The following CDH18 variants were observed in gnomAD, a reference collection of about 807,000 sequenced individuals.
CDH18 encodes the protein cadherin-18.
Under a neutral mutation model 67.9 loss-of-function variants are expected in CDH18, and 31 were observed. The ratio of observed to expected loss-of-function variants is 0.46; its 90% CI spans 0.34 to 0.62. The LOEUF (loss-of-function observed/expected upper bound fraction) is 0.62, where lower values mean the gene tolerates loss of function less well. Among genes scored for constraint, CDH18 ranks in the 20% least tolerant of loss-of-function variants. The probability of loss-of-function intolerance (pLI) is 0.01; values close to 1 mark genes in which losing one functional copy is unlikely to be tolerated. For synonymous variants in CDH18, 362 were observed against 347.2 expected (o/e 1.04, Z -0.48); for missense variants, 890 against 975.5 (o/e 0.91, Z 1.17).
At chr5:20,189,710 A>G (rs576053755) in intron 2 of CDH18, among the ~76,000 whole-genome samples, 1 of 152,130 alleles carries the variant, frequency 6.6e-6, no homozygotes, top group Non-Finnish European at 1.5e-5. Context: ...TCCTAAGTCC[A>G]ATTTATACTA....
chr5:19,677,892 G>T (rs898444490), intron 5 of CDH18, among the ~76,000 whole-genome samples: 2 of 151,776 alleles, frequency 1.3e-5, no homozygotes, highest in African/African-American at 4.8e-5. Flanking sequence ...CATGGTAAAG[G>T]GTTCAATTTG....
At chr5:19,966,318 T>C (rs1214592752) in intron 2 of CDH18, among the ~76,000 whole-genome samples, 1 of 152,134 alleles carries the variant, frequency 6.6e-6, no homozygotes, top group Non-Finnish European at 1.5e-5. Flanking sequence ...TGTCACAATT[T>C]CATGGATATT....
rs982727625 is a variant in CDH18, at chr5:20,355,887, T to A, written c.-579-100382A>T. On this transcript the variant is annotated intron_variant, in intron 1 of 14. Transcript: ENST00000507958. ...AGAGTCACATATTATTGTCAATTATTCACAGACCAAATTAACTTAGGTAAT... is the reference window on the plus strand; with the variant it reads ...AGAGTCACATATTATTGTCAATTATACACAGACCAAATTAACTTAGGTAAT... Among the ~76,000 whole-genome samples the A allele has an allele frequency of 4.6e-5, 7 of 152,314 alleles. No individual in the cohort carries two copies. In the East Asian group the frequency reaches 1.2e-3, roughly 25 times the overall value.
chr5:19,994,056 T>C (rs558133264), intron 2 of CDH18, among the ~76,000 whole-genome samples: 2 of 152,226 alleles, frequency 1.3e-5, no homozygotes, highest in Non-Finnish European at 2.9e-5. Context: ...GAGGAGGTAT[T>C]CTTTGAGCTG....
chr5:20,247,257 A>G (rs1174522441), intron 2 of CDH18, among the ~76,000 whole-genome samples: 1 of 152,190 alleles, frequency 6.6e-6, no homozygotes, highest in East Asian at 1.9e-4. Flanking sequence ...GCCCTTCATT[A>G]CTTTCCCTCC....
intron 2 of CDH18, among the ~76,000 whole-genome samples, chr5:19,977,581 C>A (rs1440608085): frequency 6.6e-6 from 1 of 152,072 alleles, no homozygotes; most frequent in Non-Finnish European, 1.5e-5. Context: ...GAATCCTATG[C>A]TAAAGAGGGC....
At chr5:20,567,211 A>G (rs1758560863) in intron 1 of CDH18, among the ~76,000 whole-genome samples, 1 of 152,210 alleles carries the variant, frequency 6.6e-6, no homozygotes, top group South Asian at 2.1e-4. Flanking sequence ...GGAAGCAGCC[A>G]CCATCCCTAG....
At chr5:20,438,276 G>C (rs185540760) in intron 1 of CDH18, among the ~76,000 whole-genome samples, 46 of 150,382 alleles carry the variant, frequency 3.1e-4, no homozygotes, top group African/African-American at 1.0e-3. Flanking sequence ...ATTCCTATTT[G>C]TGTGTGTGTT....
chr5:19,487,083 G>C (rs1475603241), intron 11 of CDH18, among the ~76,000 whole-genome samples: 2 of 152,094 alleles, frequency 1.3e-5, no homozygotes, highest in Non-Finnish European at 2.9e-5. Context: ...TGTATAGCCA[G>C]AACAAAGAAA....
chr5:20,086,965 A>T (rs1745009299), intron 2 of CDH18, among the ~76,000 whole-genome samples: 1 of 152,188 alleles, frequency 6.6e-6, no homozygotes, highest in Admixed American at 6.5e-5. Flanking sequence ...TGCCATAAAT[A>T]CTGATTTGTC....
chr5:20,428,088 C>G (rs2150170649), intron 1 of CDH18, among the ~76,000 whole-genome samples: 1 of 150,948 alleles, frequency 6.6e-6, no homozygotes, highest in East Asian at 1.9e-4. Flanking sequence ...AATGCTCTCC[C>G]TCTCCTTTTC....
At chr5:19,854,476 T>G (rs933487277) in intron 2 of CDH18, among the ~76,000 whole-genome samples, 17 of 152,276 alleles carry the variant, frequency 1.1e-4, no homozygotes, top group African/African-American at 4.1e-4. Context: ...GGTCAGCATG[T>G]TCTTTTCATG....
intron 2 of CDH18, among the ~76,000 whole-genome samples, chr5:19,945,040 A>G (rs1160468695): frequency 6.6e-6 from 1 of 152,018 alleles, no homozygotes; most frequent in East Asian, 1.9e-4. Flanking sequence ...GGATCCCCCA[A>G]TCTCTGCTCC....
intron 1 of CDH18, among the ~76,000 whole-genome samples, chr5:20,567,027 T>A (rs2126662250): frequency 6.6e-6 from 1 of 152,328 alleles, no homozygotes; most frequent in African/African-American, 2.4e-5. Flanking sequence ...GGTAGCTCAC[T>A]CATTTTCTGT....
At chr5:19,711,099 T>C (rs1764643869) in intron 5 of CDH18, among the ~76,000 whole-genome samples, 1 of 151,938 alleles carries the variant, frequency 6.6e-6, no homozygotes, top group African/African-American at 2.4e-5. Flanking sequence ...ATAAAAATTA[T>C]CTAAAGGTGG....
At chr5:20,384,106 T>A in intron 1 of CDH18, among the ~76,000 whole-genome samples, 1 of 152,168 alleles carries the variant, frequency 6.6e-6, no homozygotes, top group South Asian at 2.1e-4. Context: ...AAAAGCTTAC[T>A]TTGGCAAAAA....
At chr5:20,562,063 T>C (rs1581203948) in intron 1 of CDH18, among the ~76,000 whole-genome samples, 1 of 151,902 alleles carries the variant, frequency 6.6e-6, no homozygotes, top group Non-Finnish European at 1.5e-5. Flanking sequence ...AATAAAAATT[T>C]AGAGAAGTTT....
At chr5:20,059,196 T>A (rs1447035503) in intron 2 of CDH18, among the ~76,000 whole-genome samples, 1 of 152,160 alleles carries the variant, frequency 6.6e-6, no homozygotes, top group African/African-American at 2.4e-5. Flanking sequence ...CGTTTTTTAT[T>A]GTGTCTATTT....
At chr5:20,558,264 C>T (rs1758025058) in intron 1 of CDH18, among the ~76,000 whole-genome samples, 1 of 152,002 alleles carries the variant, frequency 6.6e-6, no homozygotes, top group African/African-American at 2.4e-5. Flanking sequence ...AACAATAACA[C>T]ACAAATGCAC....
Sources: gnomAD v4.1 joint callset for allele counts (sites outside exome capture counted in the v4.1 genomes callset) on GRCh38, gnomAD v4.1.1 for gene constraint, MANE v1.5 for transcripts, NCBI Gene and HGNC (gene_info 2026-07-23, HGNC 2026-07-21) for gene names.